SPAG16: variants seen among roughly 807,000 people sequenced by gnomAD.
The protein encoded by SPAG16 is sperm associated antigen 16.
Under a neutral mutation model 80.4 loss-of-function variants are expected in SPAG16, and 86 were observed. The observed-to-expected ratio is 1.07, with a 90% CI of 0.90 to 1.28. The LOEUF (loss-of-function observed/expected upper bound fraction) is 1.28. Ranked by LOEUF, SPAG16 falls within the 50% of genes most tolerant of loss-of-function variation. The probability of loss-of-function intolerance (pLI) is 0.00; values close to 1 mark genes in which losing one functional copy is unlikely to be tolerated. For synonymous variants in SPAG16, 294 were observed against 265.9 expected, an observed-to-expected ratio of 1.11 and a Z score of -1.03; for missense variants, 870 against 765.3, an observed-to-expected ratio of 1.14 and a Z score of -1.61.
chr2:213,388,109 G>T (rs1033138193), intron 9 of SPAG16, among the ~76,000 whole-genome samples: 1 of 152,152 alleles, frequency 6.6e-6, no homozygotes, highest in East Asian at 1.9e-4. Context: ...TAGTATATCA[G>T]CACCTACCTT....
intron 9 of SPAG16, among the ~76,000 whole-genome samples, chr2:213,488,671 T>A (rs1449096152): frequency 6.6e-6 from 1 of 152,138 alleles, no homozygotes; most frequent in African/African-American, 2.4e-5. Context: ...TAAACCACAG[T>A]GTTAATAGTA....
At chr2:213,924,998 A>G (rs938589518) in intron 11 of SPAG16, among the ~76,000 whole-genome samples, 3 of 152,010 alleles carry the variant, frequency 2.0e-5, no homozygotes, top group African/African-American at 7.2e-5. Context: ...TTTGGAAGTC[A>G]TATGCTCTAT....
intron 13 of SPAG16, among the ~76,000 whole-genome samples, chr2:214,090,906 T>G (rs979738940): frequency 1.9e-4 from 29 of 151,958 alleles, no homozygotes; most frequent in Admixed American, 1.7e-3. Flanking sequence ...GTTGATGAGA[T>G]TAATAAACAA....
intron 10 of SPAG16, among the ~76,000 whole-genome samples, chr2:213,698,405 G>A (rs144365397): frequency 2.5e-4 from 38 of 152,152 alleles, no homozygotes; most frequent in African/African-American, 9.2e-4. Flanking sequence ...GGGACTATAG[G>A]TGCATGCTAC....
intron 15 of SPAG16, among the ~76,000 whole-genome samples, chr2:214,160,508 A>G (rs1261879848): frequency 1.3e-5 from 2 of 151,828 alleles, no homozygotes; most frequent in East Asian, 3.9e-4. Context: ...TTCATCAGGT[A>G]CAAATAACTG....
intron 11 of SPAG16, among the ~76,000 whole-genome samples, chr2:213,906,485 A>C (rs911122226): frequency 2.6e-5 from 4 of 152,178 alleles, no homozygotes; most frequent in Admixed American, 6.5e-5. Context: ...CAAAATACCA[A>C]TTACATTATT....
intron 10 of SPAG16, among the ~76,000 whole-genome samples, chr2:213,607,421 G>T (rs750809884): frequency 1.7e-4 from 26 of 152,168 alleles, no homozygotes; most frequent in Non-Finnish European, 3.4e-4. Flanking sequence ...AATATTGGTA[G>T]ATGCTCTGTA....
chr2:214,011,545 G>A (rs1425153825), intron 12 of SPAG16, among the ~76,000 whole-genome samples: 3 of 152,164 alleles, frequency 2.0e-5, no homozygotes, highest in Non-Finnish European at 4.4e-5. Flanking sequence ...TAATGGGAAA[G>A]CAGCAATAGA....
intron 10 of SPAG16, among the ~76,000 whole-genome samples, chr2:213,550,570 C>T (rs567424332): frequency 6.6e-6 from 1 of 152,162 alleles, no homozygotes; most frequent in South Asian, 2.1e-4. Flanking sequence ...TCATGGCATT[C>T]CACTTACTCA....
intron 9 of SPAG16, among the ~76,000 whole-genome samples, chr2:213,466,940 G>A (rs1385701732): frequency 1.3e-5 from 2 of 152,160 alleles, no homozygotes; most frequent in African/African-American, 4.8e-5. Flanking sequence ...GGGTATAGTG[G>A]TATGTAGAAA....
chr2:214,062,015 ACACACG>A (rs2050286301), intron 13 of SPAG16, among the ~76,000 whole-genome samples: 1 of 149,512 alleles, frequency 6.7e-6, no homozygotes, highest in African/African-American at 2.5e-5. Flanking sequence ...ACACACACAC[ACACACG>A]CAGTGTGTAG....
chr2:213,864,726 G>T (rs2075617815), intron 11 of SPAG16, among the ~76,000 whole-genome samples: 1 of 151,946 alleles, frequency 6.6e-6, no homozygotes, highest in African/African-American at 2.4e-5. Flanking sequence ...ACACTGTCAG[G>T]CACTCTATCT....
At chr2:213,373,370 A>C (rs1206368668) in intron 8 of SPAG16, among the ~76,000 whole-genome samples, 1 of 152,174 alleles carries the variant, frequency 6.6e-6, no homozygotes, top group Non-Finnish European at 1.5e-5. Context: ...ATACTTGAAA[A>C]ACATTTTTTT....
At chr2:214,126,023 CTT>C (rs2054463673) in intron 14 of SPAG16, among the ~76,000 whole-genome samples, 1 of 6,090 alleles carries the variant, frequency 1.6e-4, no homozygotes, top group East Asian at 9.8e-3. Flanking sequence ...TCCTTCCTTC[CTT>C]CCTTCCTTCC....
In SPAG16 at chr2:213,297,284, TC is replaced by T. The variant is rs1559382182; in HGVS notation, c.209del (p.Pro70GlnfsTer39). ...TAGATACCAGATGACAATTTTAGCA[TC>T]CCAGAAGGTGAAGAAGATCTGGCAA... is the stretch of plus-strand genomic sequence containing the variant. ...YEEIPDDNFSIPEGEEDLAKA... is the reference protein window; with the variant it reads ...YEEIPDDNFSXPEGEEDLAKA... On this transcript the variant is annotated frameshift_variant, in exon 3 of 16. Transcript: ENST00000331683. LOFTEE classifies it high-confidence loss of function. 1 of 1,612,508 alleles carries T rather than the reference TC, an allele frequency of 6.2e-7. No individual in the cohort carries two copies. The highest frequency in any genetic ancestry group is 8.5e-7 in the Non-Finnish European group (1 of 1,178,950).
At chr2:213,927,822 G>T (rs1282439867) in intron 11 of SPAG16, among the ~76,000 whole-genome samples, 1 of 152,152 alleles carries the variant, frequency 6.6e-6, no homozygotes, top group East Asian at 1.9e-4. Flanking sequence ...CCTATGCTAA[G>T]ATTTTGGTCC....
chr2:213,644,318 A>T (rs910647790), intron 10 of SPAG16, among the ~76,000 whole-genome samples: 1 of 151,666 alleles, frequency 6.6e-6, no homozygotes, highest in African/African-American at 2.4e-5. Context: ...GAAATGTCAC[A>T]TTTCTCTGTT....
chr2:213,724,105 T>G (rs553761619), intron 10 of SPAG16, among the ~76,000 whole-genome samples: 7 of 152,320 alleles, frequency 4.6e-5, no homozygotes, highest in African/African-American at 1.7e-4. Context: ...GGTCTGCTTC[T>G]AGCATTAAGC....
At chr2:213,704,025 G>A (rs759560405) in intron 10 of SPAG16, among the ~76,000 whole-genome samples, 2 of 152,162 alleles carry the variant, frequency 1.3e-5, no homozygotes, top group Admixed American at 6.5e-5. Flanking sequence ...TAGATATAAA[G>A]TCAAAGATGA....
Sources: allele counts gnomAD v4.1 joint callset (sites outside exome capture counted in the v4.1 genomes callset), GRCh38; gene constraint gnomAD v4.1.1; transcripts MANE v1.5; gene names NCBI Gene and HGNC (gene_info 2026-07-23, HGNC 2026-07-21).